Variants in PWWP2A observed in about 807,000 individuals in gnomAD.
The protein encoded by PWWP2A is PWWP domain containing 2A.
A neutral mutation model predicts 48.5 loss-of-function variants in PWWP2A; 18 were observed. That is an observed-to-expected ratio of 0.37 (90% CI 0.26 to 0.55). PWWP2A has a LOEUF of 0.55. PWWP2A is among the 20% of genes least tolerant of loss of function. The pLI, the probability that PWWP2A is intolerant of heterozygous loss-of-function variation, is 0.81. For missense variants in PWWP2A, 867 were observed against 976.4 expected, an observed-to-expected ratio of 0.89 and a Z score of 1.49; for synonymous variants, 396 against 387.7, an observed-to-expected ratio of 1.02 and a Z score of -0.25.
the PWWP2A span, among the ~76,000 whole-genome samples, chr5:160,052,548 CAAAAA>C: frequency 6.5e-3 from 443 of 68,088 alleles, 2 homozygotes; most frequent in African/African-American, 0.012. Flanking sequence ...TCTATTTTAG[CAAAAA>C]AAAAAAAAAA....
chr5:160,118,745 G>A (rs959161997), intron 1 of PWWP2A, 60 bp downstream of exon 1: 2 of 1,344,784 alleles, frequency 1.5e-6, no homozygotes, highest in Admixed American at 4.0e-5. Context: ...GGGGCCGCCC[G>A]GGCTCACTCC....
chr5:160,045,549 CTCT>C, the PWWP2A span, among the ~76,000 whole-genome samples: 51 of 145,716 alleles, frequency 3.5e-4, no homozygotes, highest in African/African-American at 7.7e-4. Context: ...CTCTCTCTCT[CTCT>C]CCCCCTCCCC....
At chr5:160,064,868 A>G (rs1194228331) in intron 4 of PWWP2A, 1 of 1,528,888 alleles carries the variant, frequency 6.5e-7, no homozygotes, top group Non-Finnish European at 8.9e-7. Context: ...AGGCAAGATT[A>G]ATTGGTACCT....
intron 1 of PWWP2A, among the ~76,000 whole-genome samples, chr5:160,115,084 G>C (rs1005022271): frequency 7.1e-6 from 1 of 140,536 alleles, no homozygotes; most frequent in Admixed American, 7.9e-5. Flanking sequence ...AGGATGCAGA[G>C]AGCTGAGATC....
At chr5:160,097,270 A>T (rs1755750196) in intron 1 of PWWP2A, among the ~76,000 whole-genome samples, 1 of 144,052 alleles carries the variant, frequency 6.9e-6, no homozygotes, top group South Asian at 2.2e-4. Flanking sequence ...CTGGGAGGTC[A>T]AGGCTTCAGT....
chr5:160,105,553 CAAA>C (rs573797023), intron 1 of PWWP2A: 155 of 221,798 alleles, frequency 7.0e-4, no homozygotes, highest in Non-Finnish European at 8.0e-4. Flanking sequence ...GACTCCATCT[CAAA>C]AAAAAAAAAA....
intron 2 of PWWP2A, among the ~76,000 whole-genome samples, chr5:160,081,158 G>A (rs1298461739): frequency 6.6e-6 from 1 of 151,682 alleles, no homozygotes; most frequent in East Asian, 1.9e-4. Flanking sequence ...GAGAAGTCCT[G>A]ATCTTCTCAG....
At chr5:160,088,001 A>G (rs1351155454), downstream of PWWP2A, among the ~76,000 whole-genome samples, 1 of 152,240 alleles carries the variant, frequency 6.6e-6, no homozygotes, top group African/African-American at 2.4e-5. Context: ...AAAATAGCAC[A>G]ACAAAGCATA....
chr5:160,107,294 G>A (rs184771580), intron 1 of PWWP2A, among the ~76,000 whole-genome samples: 1 of 152,284 alleles, frequency 6.6e-6, no homozygotes. Flanking sequence ...AGAAATCTAT[G>A]CACATTTCTT....
chr5:160,063,984 T>TTTTTTG (rs1482966350), intron 4 of PWWP2A, among the ~76,000 whole-genome samples: 2 of 149,650 alleles, frequency 1.3e-5, no homozygotes, highest in African/African-American at 5.0e-5. Flanking sequence ...TTTTTTTTTT[T>TTTTTTG]TTGAGACGGA....
intron 2 of PWWP2A, among the ~76,000 whole-genome samples, chr5:160,084,800 T>A (rs1754500253): frequency 6.6e-6 from 1 of 152,136 alleles, no homozygotes; most frequent in African/African-American, 2.4e-5. Flanking sequence ...CTCCTAAGTA[T>A]CCATTTCTTT....
intron 1 of PWWP2A, among the ~76,000 whole-genome samples, chr5:160,097,316 AAGTG>A (rs796232047): frequency 1.4e-4 from 19 of 133,114 alleles, no homozygotes; most frequent in African/African-American, 1.4e-4. Context: ...CAGCCTGAGC[AAGTG>A]AGTAAGCCTT....
Position 160,119,328 on chromosome 5 carries a change from C to A in PWWP2A, c.61G>T (p.Gly21Cys), listed in dbSNP as rs192065583. ...GGCTCCATCTCCGGCTCGGCCTCGC[C>A]GGCGCCCCCCTCCCCGGGGGACGCT... The part of the protein sequence containing the change: ...TAASPGEGGA[G>C]EAEPEMEPIP... Residue 21 changes from glycine (G) to cysteine (C), a missense_variant, in exon 1 of 2, where the codon GGC becomes TGC. Gly to Cys is a radical substitution (Grantham distance 159, BLOSUM62 -3). This residue lies in a region of PWWP2A where 385 missense variants were observed against 396.9 expected (regional missense o/e 0.97). Transcript: ENST00000307063. The A allele has an allele frequency of 1.7e-3, 2,342 of 1,388,776 alleles. 39 individuals carry two copies. The African/African-American group carries it at 0.032, about 19-fold the overall frequency. The allele number at this position is 1,388,776 out of a possible 1,614,324, so 86.0% of individuals were successfully genotyped here. A position where few individuals can be genotyped will look rare whatever the true frequency, so the allele number is the denominator to read the frequency against.
rs1239836081 is a variant in PWWP2A, at chr5:160,118,867, A to G, written c.522T>C (p.Leu174=). 15 of 1,595,062 alleles carry G rather than the reference A, an allele frequency of 9.4e-6. No individual in the cohort carries two copies. Among genetic ancestry groups the G allele is most frequent in the Non-Finnish European group, 1.2e-5 (14 of 1,172,328 alleles). Residue 174 remains leucine (L), a synonymous_variant, in exon 1 of 2, where the codon CTT becomes CTC. Transcript: ENST00000307063. The stretch of plus-strand genomic sequence containing the variant: ...TCTCCCCGAAGCGGAACGACACGAC[A>G]AGCGCGTCCTCAATGATGTGGTCCA... ...VTLDHIIEDA[L]VVSFRFGEKL...
the PWWP2A span, among the ~76,000 whole-genome samples, chr5:160,055,071 C>G: frequency 6.6e-6 from 1 of 152,114 alleles, no homozygotes; most frequent in Non-Finnish European, 1.5e-5. Context: ...TTATGGCAGC[C>G]ATGCTGGGAG....
At chr5:160,053,206 G>A in the PWWP2A span, among the ~76,000 whole-genome samples, 1 of 152,168 alleles carries the variant, frequency 6.6e-6, no homozygotes, top group Non-Finnish European at 1.5e-5. Context: ...GAAGTTCTGA[G>A]CAAGCTTTTC....
chr5:160,100,214 C>T (rs1050456706), intron 1 of PWWP2A, among the ~76,000 whole-genome samples: 5 of 151,968 alleles, frequency 3.3e-5, no homozygotes, highest in Non-Finnish European at 5.9e-5. Flanking sequence ...GGCAGGAGAA[C>T]GGTTTAAGCC....
chr5:160,065,059 CAG>C, intron 4 of PWWP2A: 14 of 1,609,994 alleles, frequency 8.7e-6, no homozygotes, highest in African/African-American at 1.3e-5. Flanking sequence ...CAAATAATAA[CAG>C]ATAACAAAGA....
At chr5:160,104,799 C>G (rs1201602319) in intron 1 of PWWP2A, among the ~76,000 whole-genome samples, 2 of 151,766 alleles carry the variant, frequency 1.3e-5, no homozygotes, top group Admixed American at 6.6e-5. Context: ...AGTGAGACTC[C>G]CTCTCAAAAA....
Sources: allele counts gnomAD v4.1 joint callset (sites outside exome capture counted in the v4.1 genomes callset), GRCh38; gene constraint gnomAD v4.1.1; regional missense constraint gnomAD v4.1.1; transcripts MANE v1.5; gene names NCBI Gene and HGNC (gene_info 2026-07-23, HGNC 2026-07-21).